NCKAP5: variants seen among roughly 807,000 people sequenced by gnomAD.
NCKAP5 encodes the protein NCK associated protein 5, also known as nck-associated protein 5.
In NCKAP5, 92 loss-of-function variants were observed where a neutral mutation model predicts 167.0. The ratio of observed to expected loss-of-function variants is 0.55; its 90% CI spans 0.47 to 0.66. The LOEUF is 0.66. NCKAP5 is among the 30% of genes least tolerant of loss of function. The pLI is 0.00. For missense variants in NCKAP5, 2,378 were observed against 2,315.0 expected (o/e 1.03, Z -0.56); for synonymous variants, 891 against 877.4 (o/e 1.02, Z -0.27).
chr2:133,666,487 C>T, the NCKAP5 span, among the ~76,000 whole-genome samples: 1 of 151,992 alleles, frequency 6.6e-6, no homozygotes, highest in African/African-American at 2.4e-5. Flanking sequence ...TGTGAGCCAC[C>T]GTGCCCGGCC....
At chr2:132,835,667 T>C (rs1687841261) in intron 11 of NCKAP5, among the ~76,000 whole-genome samples, 1 of 152,142 alleles carries the variant, frequency 6.6e-6, no homozygotes, top group Non-Finnish European at 1.5e-5. Flanking sequence ...TTTTTTCCAG[T>C]TTTCATTCAA....
chr2:133,043,211 A>G (rs1189397211), intron 6 of NCKAP5, among the ~76,000 whole-genome samples: 2 of 152,198 alleles, frequency 1.3e-5, no homozygotes, highest in Non-Finnish European at 2.9e-5. Flanking sequence ...AGGCAGAAAT[A>G]TAGATTTAGA....
At chr2:133,607,058 C>A in the NCKAP5 span, among the ~76,000 whole-genome samples, 2 of 152,126 alleles carry the variant, frequency 1.3e-5, no homozygotes, top group Non-Finnish European at 2.9e-5. Flanking sequence ...AAAAAAATCT[C>A]CGAAAGTGAG....
intron 5 of NCKAP5, among the ~76,000 whole-genome samples, chr2:133,175,978 G>T (rs1312469892): frequency 6.6e-6 from 1 of 152,164 alleles, no homozygotes; most frequent in Non-Finnish European, 1.5e-5. Flanking sequence ...TTTCTCTACA[G>T]AGGGCTTTAA....
At chr2:133,076,766 G>A (rs1332295965) in intron 6 of NCKAP5, among the ~76,000 whole-genome samples, 3 of 152,118 alleles carry the variant, frequency 2.0e-5, no homozygotes, top group Non-Finnish European at 2.9e-5. Context: ...GTCACAGGAC[G>A]GCTACTGCTA....
rs75556455 is a variant in NCKAP5 at position 133,431,604 on chromosome 2, G to A, written c.69+85854C>T. 79 of 152,294 alleles carry A rather than the reference G, an allele frequency of 5.2e-4. 1 individual carries two copies. The highest frequency in any genetic ancestry group is 1.8e-3 in the African/African-American group (75 of 41,552). 9.4% of individuals were successfully genotyped at this position (152,294 alleles called of 1,614,324 possible). ...TATGTAGCTTTACGATGCTTGCACAGATACTGAGGCACAAAGAACCAGGAT... is the reference window on the plus strand; with the variant it reads ...TATGTAGCTTTACGATGCTTGCACAAATACTGAGGCACAAAGAACCAGGAT... On this transcript the variant is annotated intron_variant, in intron 3 of 19. Coordinates refer to ENST00000409261, the MANE Select transcript of NCKAP5 (RefSeq NM_207363.3).
intron 11 of NCKAP5, among the ~76,000 whole-genome samples, chr2:132,805,707 G>T (rs1270118109): frequency 6.6e-6 from 1 of 150,982 alleles, no homozygotes; most frequent in Non-Finnish European, 1.5e-5. Context: ...TGCAGGCTAG[G>T]TCTTGTGCTA....
At chr2:133,334,184 G>T (rs1683061301) in intron 3 of NCKAP5, among the ~76,000 whole-genome samples, 1 of 152,156 alleles carries the variant, frequency 6.6e-6, no homozygotes, top group Non-Finnish European at 1.5e-5. Flanking sequence ...CCTAGACCAA[G>T]TCTCTCAGTC....
chr2:133,069,191 C>T (rs1294471139), intron 6 of NCKAP5, among the ~76,000 whole-genome samples: 2 of 152,076 alleles, frequency 1.3e-5, no homozygotes, highest in East Asian at 1.9e-4. Context: ...TAGAAAATAA[C>T]GTACAAATGT....
chr2:133,126,345 C>T (rs532427252), intron 6 of NCKAP5, among the ~76,000 whole-genome samples: 42 of 152,186 alleles, frequency 2.8e-4, no homozygotes, highest in Non-Finnish European at 5.6e-4. Context: ...CATCTTATGC[C>T]TCTGTTTCCC....
intron 3 of NCKAP5, among the ~76,000 whole-genome samples, chr2:133,474,588 A>G (rs1258193054): frequency 6.6e-6 from 1 of 152,252 alleles, no homozygotes; most frequent in East Asian, 1.9e-4. Flanking sequence ...GGCAATGCAT[A>G]TGTTAATTAG....
intron 8 of NCKAP5, among the ~76,000 whole-genome samples, chr2:132,929,586 A>T (rs913961935): frequency 1.3e-5 from 2 of 152,242 alleles, no homozygotes; most frequent in African/African-American, 4.8e-5. Context: ...GAGTTGAATA[A>T]AGCCACAGCT....
At chr2:133,113,504 A>G (rs2081979989) in intron 6 of NCKAP5, among the ~76,000 whole-genome samples, 1 of 152,218 alleles carries the variant, frequency 6.6e-6, no homozygotes, top group African/African-American at 2.4e-5. Flanking sequence ...GCCAAGCTCC[A>G]GGTCCTGAGC....
At chr2:133,054,223 T>C (rs41459050) in intron 6 of NCKAP5, among the ~76,000 whole-genome samples, 1,990 of 152,292 alleles carry the variant, frequency 0.013, 40 homozygotes, top group African/African-American at 0.045. Flanking sequence ...TCCACAAACA[T>C]TGATGGAGAT....
At chr2:133,172,381 CA>C (rs1271143115) in intron 5 of NCKAP5, among the ~76,000 whole-genome samples, 2 of 152,212 alleles carry the variant, frequency 1.3e-5, no homozygotes, top group Non-Finnish European at 2.9e-5. Flanking sequence ...AAATTATATT[CA>C]CTCCTGAATG....
chr2:132,985,608 T>C (rs1162024475), intron 7 of NCKAP5, among the ~76,000 whole-genome samples: 1 of 152,198 alleles, frequency 6.6e-6, no homozygotes, highest in Non-Finnish European at 1.5e-5. Flanking sequence ...ACACTTTGGT[T>C]ATGAGAAATT....
the NCKAP5 span, among the ~76,000 whole-genome samples, chr2:133,611,511 A>G: frequency 3.3e-5 from 5 of 152,172 alleles, no homozygotes; most frequent in African/African-American, 4.8e-5. Flanking sequence ...TTGCTTGGCT[A>G]TCAGTAAGAG....
intron 11 of NCKAP5, among the ~76,000 whole-genome samples, chr2:132,826,774 T>C (rs1687152106): frequency 6.6e-6 from 1 of 152,112 alleles, no homozygotes; most frequent in Non-Finnish European, 1.5e-5. Flanking sequence ...AGGAGAAAAA[T>C]AGGACATCCT....
intron 7 of NCKAP5, among the ~76,000 whole-genome samples, chr2:132,970,068 A>G (rs1030104105): frequency 2.0e-5 from 3 of 152,202 alleles, no homozygotes; most frequent in African/African-American, 7.2e-5. Context: ...GACCTGAGAG[A>G]GCGGAGAGAA....
Sources: gnomAD v4.1 joint callset for allele counts (sites outside exome capture counted in the v4.1 genomes callset) on GRCh38, gnomAD v4.1.1 for gene constraint, MANE v1.5 for transcripts, NCBI Gene and HGNC (gene_info 2026-07-23, HGNC 2026-07-21) for gene names.